Variants in NXPH1 observed in about 807,000 individuals in gnomAD.
NXPH1 encodes the protein neurexophilin 1.
In NXPH1, 5 loss-of-function variants were observed where a neutral mutation model predicts 23.7. The ratio of observed to expected loss-of-function variants is 0.21; its 90% CI spans 0.11 to 0.44. NXPH1 has a LOEUF of 0.44. NXPH1 is among the 20% of genes least tolerant of loss of function. The probability of loss-of-function intolerance (pLI) is 0.99; values close to 1 mark genes in which losing one functional copy is unlikely to be tolerated. For missense variants in NXPH1, 324 were observed against 321.6 expected (o/e 1.01, Z -0.06); for synonymous variants, 144 against 122.2 (o/e 1.18, Z -1.18).
chr7:8,517,407 T>C (rs1817703869), intron 2 of NXPH1, among the ~76,000 whole-genome samples: 1 of 152,146 alleles, frequency 6.6e-6, no homozygotes, highest in African/African-American at 2.4e-5. Context: ...GTATGACTGT[T>C]GACATGGCTG....
chr7:8,499,297 G>C (rs1348163598), intron 2 of NXPH1, among the ~76,000 whole-genome samples: 1 of 152,038 alleles, frequency 6.6e-6, no homozygotes, highest in African/African-American at 2.4e-5. Flanking sequence ...GAATGCCCAG[G>C]TGACCCCCAG....
chr7:8,507,612 G>A (rs965704063), intron 2 of NXPH1, among the ~76,000 whole-genome samples: 4 of 152,104 alleles, frequency 2.6e-5, no homozygotes, highest in Non-Finnish European at 2.9e-5. Context: ...AGGTGCACAT[G>A]TTTCATAATC....
intron 2 of NXPH1, among the ~76,000 whole-genome samples, chr7:8,542,168 A>G (rs1306635222): frequency 1.3e-5 from 2 of 151,582 alleles, no homozygotes; most frequent in African/African-American, 4.8e-5. Flanking sequence ...AACATTAACA[A>G]AACAAAGCTG....
chr7:8,628,353 A>G lies in NXPH1; in HGVS notation c.55-122655A>G, dbSNP rs146604695. Among the ~76,000 whole-genome samples, 360 of 149,124 alleles carry G rather than the reference A, an allele frequency of 2.4e-3. 1 individual carries two copies. Among genetic ancestry groups the G allele is most frequent in the African/African-American group, 8.1e-3 (326 of 40,218 alleles). On this transcript the variant is annotated intron_variant, in intron 2 of 2. Coordinates refer to ENST00000405863, the MANE Select transcript of NXPH1 (RefSeq NM_152745.3). ...ATTCAGCCAAGTAGGAAACATTAGA[A>G]CATTTTATGCATAGGTGTTTTTTTT...
chr7:8,585,251 C>G (rs1464917270), intron 2 of NXPH1, among the ~76,000 whole-genome samples: 3 of 152,154 alleles, frequency 2.0e-5, no homozygotes, highest in Non-Finnish European at 4.4e-5. Flanking sequence ...TATTTGTGCC[C>G]TTGTAAAAAG....
At chr7:8,520,077 T>TATTATTATATTTATACAAA (rs1156918572) in intron 2 of NXPH1, among the ~76,000 whole-genome samples, 3 of 151,974 alleles carry the variant, frequency 2.0e-5, no homozygotes, top group Non-Finnish European at 4.4e-5. Flanking sequence ...AAGAATGGGG[T>TATTATTATATTTATACAAA]TATAAACCCC....
At chr7:8,475,757 T>G (rs1563321341) in intron 2 of NXPH1, among the ~76,000 whole-genome samples, 2 of 152,174 alleles carry the variant, frequency 1.3e-5, no homozygotes, top group Admixed American at 6.5e-5. Flanking sequence ...TGTCTTTTGC[T>G]CCTGTTAAAA....
chr7:8,696,220 A>G (rs915494435), intron 2 of NXPH1, among the ~76,000 whole-genome samples: 3 of 152,226 alleles, frequency 2.0e-5, no homozygotes, highest in South Asian at 2.1e-4. Flanking sequence ...TTTGAAAATC[A>G]TGAAGCTAAA....
chr7:8,576,997 A>G (rs1818767451), intron 2 of NXPH1, among the ~76,000 whole-genome samples: 1 of 152,176 alleles, frequency 6.6e-6, no homozygotes, highest in South Asian at 2.1e-4. Flanking sequence ...CTTTAGAAAC[A>G]AGGCCAAAGA....
chr7:8,506,108 A>T (rs899645435), intron 2 of NXPH1, among the ~76,000 whole-genome samples: 4 of 152,152 alleles, frequency 2.6e-5, no homozygotes, highest in Non-Finnish European at 5.9e-5. Flanking sequence ...GAGATTTTTA[A>T]AAACAATTTT....
intron 2 of NXPH1, among the ~76,000 whole-genome samples, chr7:8,570,618 G>A (rs1818625861): frequency 1.3e-5 from 2 of 151,920 alleles, no homozygotes; most frequent in Non-Finnish European, 2.9e-5. Flanking sequence ...CACAGAGAAA[G>A]TATGACATTT....
intron 2 of NXPH1, among the ~76,000 whole-genome samples, chr7:8,691,653 G>C (rs1004626021): frequency 6.6e-6 from 1 of 152,152 alleles, no homozygotes; most frequent in African/African-American, 2.4e-5. Flanking sequence ...GCAAATATTT[G>C]CAAATAAGCT....
intron 2 of NXPH1, among the ~76,000 whole-genome samples, chr7:8,547,220 G>A (rs142219582): frequency 1.9e-3 from 286 of 151,562 alleles, no homozygotes; most frequent in African/African-American, 6.6e-3. Flanking sequence ...AAGTGTGAGG[G>A]AGGGGGAAAT....
At chr7:8,551,586 GT>G (rs1398858804) in intron 2 of NXPH1, among the ~76,000 whole-genome samples, 1 of 151,446 alleles carries the variant, frequency 6.6e-6, no homozygotes, top group Non-Finnish European at 1.5e-5. Flanking sequence ...ATCCTTTACA[GT>G]TATCTTTTAC....
intron 2 of NXPH1, among the ~76,000 whole-genome samples, chr7:8,629,576 T>C (rs983455899): frequency 6.6e-6 from 1 of 152,152 alleles, no homozygotes; most frequent in Non-Finnish European, 1.5e-5. Context: ...CAAGCTGTTA[T>C]GTATATAAGT....
chr7:8,731,112 C>G (rs1204453816), intron 2 of NXPH1, among the ~76,000 whole-genome samples: 11 of 151,884 alleles, frequency 7.2e-5, no homozygotes, highest in African/African-American at 2.4e-4. Flanking sequence ...CACTGATACC[C>G]TTTCTTCCAG....
At chr7:8,715,185 C>A (rs112378843) in intron 2 of NXPH1, among the ~76,000 whole-genome samples, 160 of 152,238 alleles carry the variant, frequency 1.1e-3, no homozygotes, top group Middle Eastern at 6.8e-3. Context: ...TGGGTGCTGG[C>A]CAAGTTCTGT....
At chr7:8,545,592 T>C (rs1818186939) in intron 2 of NXPH1, among the ~76,000 whole-genome samples, 1 of 151,468 alleles carries the variant, frequency 6.6e-6, no homozygotes, top group Non-Finnish European at 1.5e-5. Flanking sequence ...TTTTTCTATG[T>C]TTGAAACAAA....
chr7:8,552,319 T>C (rs1818291946), intron 2 of NXPH1, among the ~76,000 whole-genome samples: 2 of 151,444 alleles, frequency 1.3e-5, no homozygotes, highest in South Asian at 4.1e-4. Context: ...ATGGGATTTA[T>C]ACTCAGAGGT....
Sources: gnomAD v4.1 joint callset for allele counts (sites outside exome capture counted in the v4.1 genomes callset) on GRCh38, gnomAD v4.1.1 for gene constraint, MANE v1.5 for transcripts, NCBI Gene and HGNC (gene_info 2026-07-23, HGNC 2026-07-21) for gene names.